CHRM3: variants seen among roughly 807,000 people sequenced by gnomAD.
CHRM3 encodes cholinergic receptor muscarinic 3, also known as muscarinic acetylcholine receptor M3.
Under a neutral mutation model 41.8 loss-of-function variants are expected in CHRM3, and 11 were observed. The observed-to-expected ratio is 0.26, with a 90% CI of 0.17 to 0.44. The LOEUF is 0.44. Ranked by LOEUF, CHRM3 falls within the 20% of genes least tolerant of loss-of-function variation. The pLI is 1.00. For missense variants in CHRM3, 571 were observed against 745.4 expected (o/e 0.77, Z 2.72); for synonymous variants, 297 against 301.4 (o/e 0.99, Z 0.15).
chr1:239,439,502 G>A (rs1382441615), intron 1 of CHRM3, among the ~76,000 whole-genome samples: 1 of 152,148 alleles, frequency 6.6e-6, no homozygotes, highest in Non-Finnish European at 1.5e-5. Context: ...CGTGGAACTA[G>A]ATAAGAACAA....
At chr1:239,843,759 A>G (rs1185159258) in intron 6 of CHRM3, among the ~76,000 whole-genome samples, 1 of 152,112 alleles carries the variant, frequency 6.6e-6, no homozygotes, top group Non-Finnish European at 1.5e-5. Flanking sequence ...AAAAGGCAGG[A>G]GCTAAAATTG....
At chr1:239,683,033 G>C (rs1311570065) in intron 5 of CHRM3, among the ~76,000 whole-genome samples, 2 of 152,056 alleles carry the variant, frequency 1.3e-5, no homozygotes, top group African/African-American at 2.4e-5. Flanking sequence ...AGACAATACA[G>C]TATTGTTAAC....
At chr1:239,708,988 A>G (rs1243725648) in intron 5 of CHRM3, among the ~76,000 whole-genome samples, 2 of 151,992 alleles carry the variant, frequency 1.3e-5, no homozygotes, top group East Asian at 3.9e-4. Context: ...TTTGTTGGCA[A>G]TATAGTCTTC....
intron 3 of CHRM3, among the ~76,000 whole-genome samples, chr1:239,613,387 G>T (rs1558376737): frequency 6.6e-6 from 1 of 152,178 alleles, no homozygotes; most frequent in South Asian, 2.1e-4. Flanking sequence ...TTAAAGAAAA[G>T]AATAAAAACA....
chr1:239,588,964 C>T (rs1466352276), intron 3 of CHRM3, among the ~76,000 whole-genome samples: 2 of 151,742 alleles, frequency 1.3e-5, no homozygotes, highest in African/African-American at 4.8e-5. Context: ...GACGGAGTCT[C>T]GCTCTGTCCC....
At chr1:239,418,205 C>T (rs1661658944) in intron 1 of CHRM3, among the ~76,000 whole-genome samples, 1 of 152,192 alleles carries the variant, frequency 6.6e-6, no homozygotes, top group Non-Finnish European at 1.5e-5. Context: ...ACTGCTAAAA[C>T]TGAGCCTGTC....
chr1:239,426,176 C>G (rs1194821480), intron 1 of CHRM3, among the ~76,000 whole-genome samples: 3 of 121,096 alleles, frequency 2.5e-5, no homozygotes, highest in Non-Finnish European at 5.0e-5. Context: ...ACAACAGGCC[C>G]GGTAAGTCAG....
intron 5 of CHRM3, among the ~76,000 whole-genome samples, chr1:239,797,373 C>T (rs930140661): frequency 1.0e-4 from 15 of 149,008 alleles, no homozygotes; most frequent in African/African-American, 3.7e-4. Flanking sequence ...CTCTATAATA[C>T]TTTAAAAATA....
At chr1:239,822,146 C>T (rs1672105912) in intron 5 of CHRM3, among the ~76,000 whole-genome samples, 1 of 152,158 alleles carries the variant, frequency 6.6e-6, no homozygotes, top group African/African-American at 2.4e-5. Context: ...AATAGATGAG[C>T]ATTAACAGAA....
At chr1:239,645,128 A>T (rs1671629659) in intron 4 of CHRM3, among the ~76,000 whole-genome samples, 1 of 152,172 alleles carries the variant, frequency 6.6e-6, no homozygotes. Context: ...TTAGAGTATC[A>T]TGGAAGAGCA....
At chr1:239,553,903 T>G (rs2148456344) in intron 3 of CHRM3, among the ~76,000 whole-genome samples, 1 of 152,272 alleles carries the variant, frequency 6.6e-6, no homozygotes, top group African/African-American at 2.4e-5. Flanking sequence ...CACATCTGTT[T>G]TTTGAAGCAG....
At chr1:239,765,761 A>G (rs1339694211) in intron 5 of CHRM3, among the ~76,000 whole-genome samples, 1 of 152,104 alleles carries the variant, frequency 6.6e-6, no homozygotes, top group East Asian at 1.9e-4. Context: ...CTGGGGGGAA[A>G]AATCAAATTG....
intron 3 of CHRM3, among the ~76,000 whole-genome samples, chr1:239,600,735 C>T (rs1346169846): frequency 2.7e-5 from 4 of 150,822 alleles, no homozygotes; most frequent in Non-Finnish European, 5.9e-5. Flanking sequence ...TTCCCTCCCT[C>T]CTTCCCTCCC....
At chr1:239,838,467 G>A (rs1037610891) in intron 6 of CHRM3, among the ~76,000 whole-genome samples, 1 of 152,076 alleles carries the variant, frequency 6.6e-6, no homozygotes, top group Non-Finnish European at 1.5e-5. Context: ...ACAACACATG[G>A]CAAACACATT....
rs1369940001 is a variant in CHRM3, at chr1:239,387,812, G to A, written c.-521+585G>A. On this transcript the variant is annotated intron_variant, in intron 1 of 6. Coordinates refer to ENST00000676153, the MANE Select transcript of CHRM3 (RefSeq NM_001375978.1). The surrounding 1 kb of genome is among the most constrained non-coding windows in gnomAD (Gnocchi z 5.1). ...CGAGAAGGCAAATTTGGCACTTCGAGTAACACTTGGGCGAAGGTACCTAGC... is the reference window on the plus strand; with the variant it reads ...CGAGAAGGCAAATTTGGCACTTCGAATAACACTTGGGCGAAGGTACCTAGC... Among the ~76,000 whole-genome samples the A allele has an allele frequency of 2.0e-5, 3 of 152,194 alleles. No homozygotes were observed. The highest frequency in any genetic ancestry group is 4.4e-5 in the Non-Finnish European group (3 of 68,032).
At chr1:239,899,381 A>C (rs186504653) in intron 6 of CHRM3, among the ~76,000 whole-genome samples, 14 of 149,592 alleles carry the variant, frequency 9.4e-5, no homozygotes, top group Non-Finnish European at 1.9e-4. Context: ...ATATACATAT[A>C]TAAACACATA....
intron 5 of CHRM3, among the ~76,000 whole-genome samples, chr1:239,761,042 C>G (rs965532193): frequency 6.6e-6 from 1 of 152,010 alleles, no homozygotes; most frequent in South Asian, 2.1e-4. Context: ...GATATTGTCC[C>G]ACTGCTCACT....
At chr1:239,400,525 G>T (rs1015438330) in intron 1 of CHRM3, among the ~76,000 whole-genome samples, 2 of 151,968 alleles carry the variant, frequency 1.3e-5, no homozygotes, top group Non-Finnish European at 2.9e-5. Flanking sequence ...AAAGTTCTTT[G>T]CCGAGACTAA....
intron 5 of CHRM3, chr1:239,704,827 T>C (rs1660996556): frequency 6.6e-6 from 1 of 152,224 alleles, no homozygotes; most frequent in African/African-American, 2.4e-5. Context: ...GCAGAATTTA[T>C]GCGAAAGTCT....
Sources: allele counts gnomAD v4.1 joint callset (sites outside exome capture counted in the v4.1 genomes callset), GRCh38; gene constraint gnomAD v4.1.1; non-coding constraint Gnocchi (gnomAD v3.1); transcripts MANE v1.5; gene names NCBI Gene and HGNC (gene_info 2026-07-23, HGNC 2026-07-21).